Variants in PKP4 observed in about 807,000 individuals in gnomAD.
PKP4 encodes plakophilin 4.
Under a neutral mutation model 145.1 loss-of-function variants are expected in PKP4, and 90 were observed. The observed-to-expected ratio is 0.62, with a 90% confidence interval of 0.52 to 0.74. The LOEUF is 0.74. Ranked by LOEUF, PKP4 falls within the 30% of genes least tolerant of loss-of-function variation. The pLI is 0.00. For missense variants in PKP4, 1,340 were observed against 1,482.7 expected, an observed-to-expected ratio of 0.90 and a Z score of 1.58; for synonymous variants, 563 against 577.2, an observed-to-expected ratio of 0.98 and a Z score of 0.35.
intron 1 of PKP4, among the ~76,000 whole-genome samples, chr2:158,489,417 T>A (rs1297405564): frequency 6.6e-6 from 1 of 152,186 alleles, no homozygotes; most frequent in African/African-American, 2.4e-5. Flanking sequence ...TTCTCAGAAT[T>A]CCTTGCTAGA....
chr2:158,540,491 A>AG (rs1479153777), intron 2 of PKP4, among the ~76,000 whole-genome samples: 1 of 152,182 alleles, frequency 6.6e-6, no homozygotes, highest in Non-Finnish European at 1.5e-5. Context: ...GAATGGGTTG[A>AG]GGGGGATAAG....
At chr2:158,573,756 A>C (rs1180855862) in intron 2 of PKP4, among the ~76,000 whole-genome samples, 1 of 152,122 alleles carries the variant, frequency 6.6e-6, no homozygotes, top group Non-Finnish European at 1.5e-5. Flanking sequence ...GGAGAGGGGA[A>C]GGGAAAGCAG....
rs191019522 is a variant in PKP4 at position 158,472,816 on chromosome 2, T to G, written c.-6+15598T>G. Reference sequence around the variant, plus strand: ...AAGGCTACAGACTATAGCATAGATTTATGTTAAATGTTACAAGCATGAAAT... The same window carrying G: ...AAGGCTACAGACTATAGCATAGATTGATGTTAAATGTTACAAGCATGAAAT... On this transcript the variant is annotated intron_variant, in intron 1 of 21. Transcript: ENST00000389759. 1.8e-4 allele frequency among the ~76,000 whole-genome samples: 27 copies of G among 152,254 alleles called. No homozygotes were observed. The East Asian group carries it at 4.8e-3, about 27-fold the overall frequency.
At chr2:158,496,922 C>G (rs1209976835) in intron 1 of PKP4, among the ~76,000 whole-genome samples, 1 of 152,068 alleles carries the variant, frequency 6.6e-6, no homozygotes. Flanking sequence ...GGTTCCTGCA[C>G]TCTTGATAAG....
At chr2:158,599,533 A>G (rs553482505) in intron 3 of PKP4, among the ~76,000 whole-genome samples, 7 of 152,348 alleles carry the variant, frequency 4.6e-5, no homozygotes, top group African/African-American at 1.4e-4. Flanking sequence ...GCTGTGTTAC[A>G]TATCCAGTAT....
intron 1 of PKP4, among the ~76,000 whole-genome samples, chr2:158,499,597 G>T (rs1285277067): frequency 2.0e-5 from 3 of 152,126 alleles, no homozygotes; most frequent in African/African-American, 7.2e-5. Flanking sequence ...TGGCCTGGAG[G>T]AACACATATT....
chr2:158,458,747 A>G lies in PKP4; in HGVS notation c.-6+1529A>G, dbSNP rs369412763. On this transcript the variant is annotated intron_variant, in intron 1 of 21. Transcript: ENST00000389759. Reference sequence around the variant, plus strand: ...GCTGTGTTTAGACCTCGTATAATACATAATGAATAGAAACAGAGAAGCACT... The same window carrying G: ...GCTGTGTTTAGACCTCGTATAATACGTAATGAATAGAAACAGAGAAGCACT... Among the ~76,000 whole-genome samples the G allele has an allele frequency of 3.3e-5, 5 of 152,306 alleles. No individual in the cohort carries two copies. The East Asian group carries it at 5.8e-4, about 18-fold the overall frequency.
intron 11 of PKP4, among the ~76,000 whole-genome samples, chr2:158,647,820 A>G (rs1469828824): frequency 2.6e-5 from 4 of 152,216 alleles, no homozygotes; most frequent in South Asian, 4.1e-4. Context: ...TGGATGAAGT[A>G]TGGTTGTTCC....
At chr2:158,641,315 G>A (rs966283194) in intron 10 of PKP4, among the ~76,000 whole-genome samples, 33 of 149,692 alleles carry the variant, frequency 2.2e-4, no homozygotes, top group Admixed American at 1.8e-3. Context: ...TACAGCCTAG[G>A]AGCGAGACTC....
At chr2:158,472,347 C>T (rs946118462) in intron 1 of PKP4, among the ~76,000 whole-genome samples, 1 of 152,026 alleles carries the variant, frequency 6.6e-6, no homozygotes, top group Non-Finnish European at 1.5e-5. Context: ...TGGTGGCTCA[C>T]GCCTGTAATC....
chr2:158,613,934 T>C (rs1166127678), intron 4 of PKP4, among the ~76,000 whole-genome samples: 2 of 152,194 alleles, frequency 1.3e-5, no homozygotes. Flanking sequence ...TTTCCTCAGT[T>C]CATCAAAAAC....
intron 21 of PKP4, 131 bp downstream of exon 21, chr2:158,678,785 C>T: frequency 1.4e-6 from 1 of 709,016 alleles, no homozygotes; most frequent in Non-Finnish European, 2.6e-6. Context: ...GATCTTCACT[C>T]CTTGGAAACT....
chr2:158,558,032 C>T (rs528606764), intron 2 of PKP4, among the ~76,000 whole-genome samples: 2 of 152,246 alleles, frequency 1.3e-5, no homozygotes, highest in African/African-American at 4.8e-5. Context: ...TACTTGAAGC[C>T]ATGGGAGCAG....
At chr2:158,662,631 G>A in intron 13 of PKP4, 1 of 294,454 alleles carries the variant, frequency 3.4e-6, no homozygotes, top group Non-Finnish European at 6.3e-6. Flanking sequence ...GCCCTGAAGA[G>A]AAACACTGGG....
rs1310009904 is a variant in PKP4, at chr2:158,500,592, CA to C, written c.-5-32586del. ...GGCAATGGCCTCTATTTTTCTTCCA[CA>C]AGTTTCTTCCAATTCAGAGCCCGTG... On this transcript the variant is annotated intron_variant, in intron 1 of 21. Transcript: ENST00000389759. Among the ~76,000 whole-genome samples the C allele has an allele frequency of 7.2e-5, 11 of 152,316 alleles. No homozygotes were observed. The East Asian group carries it at 2.1e-3, about 29-fold the overall frequency.
At chr2:158,653,591 T>A (rs1028595681) in intron 11 of PKP4, among the ~76,000 whole-genome samples, 5 of 152,350 alleles carry the variant, frequency 3.3e-5, no homozygotes, top group Non-Finnish European at 7.3e-5. Context: ...CCTAATATTT[T>A]CTAAATTAGT....
chr2:158,631,630 A>C, intron 7 of PKP4, 123 bp from the exon 8 acceptor site: 2 of 824,036 alleles, frequency 2.4e-6, no homozygotes, highest in South Asian at 2.9e-5. Flanking sequence ...GGCTCAAGCC[A>C]TTCTCCCACC....
At chr2:158,597,402 G>A (rs887209659) in intron 3 of PKP4, among the ~76,000 whole-genome samples, 3 of 152,222 alleles carry the variant, frequency 2.0e-5, no homozygotes, top group South Asian at 2.1e-4. Context: ...GATGCAGGTA[G>A]AATTAATATA....
chr2:158,631,887 C>T lies in PKP4; in HGVS notation c.1288C>T (p.His430Tyr). 1 of 1,614,132 alleles carries T rather than the reference C, an allele frequency of 6.2e-7. No homozygotes were observed. Reference sequence around the variant, plus strand: ...CAGCCCAGTGTACCGCAGCCCAAACCATGGAACTGTGGAGCTCCAAGGATC... The same window carrying T: ...CAGCCCAGTGTACCGCAGCCCAAACTATGGAACTGTGGAGCTCCAAGGATC... ...YYSPVYRSPN[H>Y]GTVELQGSQT... Residue 430 changes from histidine to tyrosine, a missense_variant, in exon 8 of 22, where the codon CAT becomes TAT. Physicochemically the swap from His to Tyr is moderately conservative, Grantham distance 83 (BLOSUM62 2). Transcript: ENST00000389759.
Sources: gnomAD v4.1 joint callset for allele counts (sites outside exome capture counted in the v4.1 genomes callset) on GRCh38, gnomAD v4.1.1 for gene constraint, MANE v1.5 for transcripts, NCBI Gene and HGNC (gene_info 2026-07-23, HGNC 2026-07-21) for gene names.